Variants in SEPTIN11 observed in about 807,000 individuals in gnomAD.
The protein encoded by SEPTIN11 is septin-11.
A neutral mutation model predicts 51.4 loss-of-function variants in SEPTIN11; 25 were observed. The ratio of observed to expected loss-of-function variants is 0.49; its 90% confidence interval spans 0.35 to 0.68. SEPTIN11 has a LOEUF of 0.68. Ranked by LOEUF, SEPTIN11 falls within the 30% of genes least tolerant of loss-of-function variation. SEPTIN11 has a pLI of 0.00. For missense variants in SEPTIN11, 381 were observed against 520.8 expected, an observed-to-expected ratio of 0.73 and a Z score of 2.61; for synonymous variants, 174 against 184.1, an observed-to-expected ratio of 0.95 and a Z score of 0.44.
intron 5 of SEPTIN11, among the ~76,000 whole-genome samples, chr4:77,018,217 A>C (rs186412585): frequency 1.3e-5 from 2 of 151,854 alleles, no homozygotes; most frequent in African/African-American, 2.4e-5. Flanking sequence ...TTCGGAGGCC[A>C]AGGCGGGCGG....
intron 1 of SEPTIN11, among the ~76,000 whole-genome samples, chr4:76,985,728 C>T (rs774879404): frequency 8.5e-5 from 13 of 152,160 alleles, no homozygotes; most frequent in Admixed American, 2.6e-4. Flanking sequence ...TGGGTTCTCC[C>T]GCGCCTCACT....
chr4:76,995,849 G>T (rs1184478061), intron 1 of SEPTIN11: 1 of 1,535,512 alleles, frequency 6.5e-7, no homozygotes, highest in Non-Finnish European at 8.7e-7. Flanking sequence ...AGGGTGAAGA[G>T]GGGGAAGAAG....
chr4:77,022,590 C>CA (rs994339170), intron 7 of SEPTIN11, among the ~76,000 whole-genome samples: 6 of 152,144 alleles, frequency 3.9e-5, no homozygotes, highest in Non-Finnish European at 8.8e-5. Flanking sequence ...ACTTCATTTA[C>CA]AAAAACAGAT....
intron 1 of SEPTIN11, among the ~76,000 whole-genome samples, chr4:76,994,148 C>T (rs1468313840): frequency 6.6e-6 from 1 of 152,120 alleles, no homozygotes; most frequent in Non-Finnish European, 1.5e-5. Context: ...TCTTTCATAC[C>T]GTTCACGAAC....
chr4:76,979,834 G>A (rs1269131165), intron 1 of SEPTIN11, among the ~76,000 whole-genome samples: 3 of 150,070 alleles, frequency 2.0e-5, no homozygotes, highest in South Asian at 4.2e-4. Context: ...GCAGTGAGCC[G>A]AGAAACTCCA....
intron 1 of SEPTIN11, among the ~76,000 whole-genome samples, chr4:76,964,685 G>T (rs1044451703): frequency 2.6e-5 from 4 of 152,304 alleles, no homozygotes; most frequent in Middle Eastern, 6.8e-3. Flanking sequence ...TCATCAAAAA[G>T]CCAAGTTGGA....
intron 1 of SEPTIN11, 104 bp downstream of exon 1, chr4:76,950,034 CGCGGCG>C (rs141562324): frequency 2.7e-6 from 3 of 1,104,636 alleles, no homozygotes; most frequent in African/African-American, 3.3e-5. Context: ...TGCTCGGCCC[CGCGGCG>C]GCGGCGACGG....
intron 1 of SEPTIN11, among the ~76,000 whole-genome samples, chr4:76,954,812 G>A (rs1307303377): frequency 1.3e-5 from 2 of 152,180 alleles, no homozygotes; most frequent in African/African-American, 4.8e-5. Context: ...GACACATTCT[G>A]CCCACCTGCT....
intron 6 of SEPTIN11, among the ~76,000 whole-genome samples, chr4:77,019,656 T>C (rs1725554719): frequency 6.6e-6 from 1 of 152,248 alleles, no homozygotes; most frequent in Non-Finnish European, 1.5e-5. Context: ...AAATGTCTTC[T>C]AATAAAATGT....
intron 5 of SEPTIN11, among the ~76,000 whole-genome samples, chr4:77,016,613 C>CAT (rs1361470375): frequency 5.1e-5 from 3 of 59,260 alleles, no homozygotes; most frequent in South Asian, 6.4e-4. Context: ...TATATATATA[C>CAT]ACATATATAT....
At chr4:76,966,733 G>A (rs1229198616) in intron 1 of SEPTIN11, among the ~76,000 whole-genome samples, 2 of 151,770 alleles carry the variant, frequency 1.3e-5, no homozygotes, top group South Asian at 2.1e-4. Flanking sequence ...AGGTGGTGGC[G>A]CTCACCTGTT....
At chr4:77,012,244 G>A (rs2109956861) in intron 4 of SEPTIN11, among the ~76,000 whole-genome samples, 1 of 151,928 alleles carries the variant, frequency 6.6e-6, no homozygotes, top group South Asian at 2.1e-4. Flanking sequence ...GGTGTTTAGA[G>A]GTTTGGTTTT....
chr4:76,962,584 A>G (rs1026104009), intron 1 of SEPTIN11, among the ~76,000 whole-genome samples: 3 of 152,204 alleles, frequency 2.0e-5, no homozygotes, highest in Admixed American at 6.5e-5. Context: ...GGCATTACCT[A>G]TATTTAATTC....
Position 77,005,799 on chromosome 4 carries a change from A to G in SEPTIN11, c.338+3A>G. 6.2e-7 allele frequency: 1 copy of G among 1,611,680 alleles called. No individual in the cohort carries two copies. The highest frequency in any genetic ancestry group is 8.5e-7 in the Non-Finnish European group (1 of 1,178,260). On this transcript the variant is annotated splice_donor_region_variant and intron_variant, in intron 3 of 9. Coordinates refer to ENST00000264893, the MANE Select transcript of SEPTIN11 (RefSeq NM_018243.4). ...GACCAGATAAATAAAGATGACAGGT[A>G]CATCTTGGGATTTTGGGGGGACATG...
At chr4:76,959,254 T>TTTG (rs1721709753) in intron 1 of SEPTIN11, 1 of 139,122 alleles carries the variant, frequency 7.2e-6, no homozygotes, top group Non-Finnish European at 1.5e-5. Flanking sequence ...CAAGACAAGG[T>TTTG]TTTTTTTTTT....
chr4:77,019,033 C>A, intron 5 of SEPTIN11, 132 bp from the exon 6 acceptor site: 1 of 734,044 alleles, frequency 1.4e-6, no homozygotes, highest in Non-Finnish European at 2.3e-6. Context: ...GACATCCACC[C>A]ACCAAACTGC....
intron 7 of SEPTIN11, chr4:77,021,110 C>A (rs1725687325): frequency 6.5e-6 from 1 of 154,510 alleles, no homozygotes; most frequent in Admixed American, 6.5e-5. Context: ...TCCGGAGGCT[C>A]TTCCTTTGTC....
intron 1 of SEPTIN11, among the ~76,000 whole-genome samples, chr4:76,983,388 C>T (rs1390236112): frequency 3.9e-5 from 6 of 152,156 alleles, no homozygotes; most frequent in African/African-American, 1.4e-4. Context: ...GGCCCTCAGT[C>T]CTACAGCTGC....
chr4:77,001,551 T>A (rs568430815), intron 2 of SEPTIN11, among the ~76,000 whole-genome samples: 13 of 152,266 alleles, frequency 8.5e-5, no homozygotes, highest in African/African-American at 2.9e-4. Context: ...GGTTTCACCA[T>A]GTTGGCCAGG....
Sources: allele counts gnomAD v4.1 joint callset (sites outside exome capture counted in the v4.1 genomes callset), GRCh38; gene constraint gnomAD v4.1.1; transcripts MANE v1.5; gene names NCBI Gene and HGNC (gene_info 2026-07-23, HGNC 2026-07-21).